UNC80: variants seen among roughly 807,000 people sequenced by gnomAD.
UNC80 encodes unc-80 subunit of NALCN channel complex.
A neutral mutation model predicts 384.6 loss-of-function variants in UNC80; 164 were observed. The observed-to-expected ratio is 0.43, with a 90% confidence interval of 0.38 to 0.49. UNC80 has a LOEUF of 0.49. Ranked by LOEUF, UNC80 falls within the 20% of genes least tolerant of loss-of-function variation. UNC80 has a pLI of 0.00. For missense variants in UNC80, 3,330 were observed against 4,143.0 expected, an observed-to-expected ratio of 0.80 and a Z score of 5.39; for synonymous variants, 1,486 against 1,527.8, an observed-to-expected ratio of 0.97 and a Z score of 0.64.
intron 47 of UNC80, among the ~76,000 whole-genome samples, chr2:209,950,296 A>G (rs528766244): frequency 2.6e-5 from 4 of 152,264 alleles, no homozygotes; most frequent in Non-Finnish European, 4.4e-5. Context: ...TTAAGTACCT[A>G]AATTTATTGA....
intron 29 of UNC80, among the ~76,000 whole-genome samples, chr2:209,907,058 T>C (rs1340500041): frequency 1.3e-5 from 2 of 152,178 alleles, no homozygotes; most frequent in African/African-American, 4.8e-5. Context: ...CCATGAAACT[T>C]TTTTGATTCT....
intron 26 of UNC80, among the ~76,000 whole-genome samples, chr2:209,892,289 T>C (rs1393805549): frequency 6.6e-6 from 1 of 152,122 alleles, no homozygotes; most frequent in African/African-American, 2.4e-5. Flanking sequence ...CAAAGTGAGG[T>C]GAAAGAAAAG....
intron 22 of UNC80, among the ~76,000 whole-genome samples, chr2:209,855,531 TC>T (rs1162058816): frequency 6.6e-6 from 1 of 151,872 alleles, no homozygotes; most frequent in Admixed American, 6.6e-5. Context: ...AAGAAAAAAA[TC>T]TAAAAATCAC....
intron 53 of UNC80, 39 bp downstream of exon 53, chr2:209,969,930 A>C (rs766145860): frequency 1.3e-6 from 2 of 1,548,388 alleles, no homozygotes; most frequent in South Asian, 2.4e-5. Flanking sequence ...ACTTTGCACA[A>C]TGTAACTCTG....
intron 29 of UNC80, among the ~76,000 whole-genome samples, chr2:209,911,671 A>G (rs940449584): frequency 2.0e-5 from 3 of 152,206 alleles, no homozygotes; most frequent in Non-Finnish European, 2.9e-5. Context: ...AGAGGGAGAA[A>G]GTGTTTCACT....
chr2:209,939,183 A>G (rs1040015073), intron 42 of UNC80, among the ~76,000 whole-genome samples: 3 of 152,146 alleles, frequency 2.0e-5, no homozygotes, highest in Non-Finnish European at 2.9e-5. Context: ...TCTATTTAAT[A>G]TTGAACTAAT....
At chr2:209,951,683 A>G (rs73078988) in intron 47 of UNC80, 15,334 of 151,818 alleles carry the variant, frequency 0.1, 1,916 homozygotes, top group African/African-American at 0.29. Flanking sequence ...CCTAGTTGTG[A>G]TTTTTCTTTG....
intron 21 of UNC80, among the ~76,000 whole-genome samples, chr2:209,844,359 T>C (rs1323675697): frequency 6.6e-6 from 1 of 152,100 alleles, no homozygotes; most frequent in Non-Finnish European, 1.5e-5. Context: ...ATATTTCTTC[T>C]TTTTTCAAAA....
chr2:209,880,894 T>G, intron 24 of UNC80, 67 bp from the exon 25 acceptor site: 1 of 1,474,302 alleles, frequency 6.8e-7, no homozygotes. Flanking sequence ...GCTATGTCCA[T>G]CAAACTATGC....
chr2:209,936,658 G>GTA (rs749940831), intron 40 of UNC80, among the ~76,000 whole-genome samples, 186 bp from the exon 41 acceptor site: 29 of 151,828 alleles, frequency 1.9e-4, no homozygotes, highest in South Asian at 4.1e-4. Flanking sequence ...ATGTGTGTGT[G>GTA]TATGTGTATA....
rs532002902 is a variant in UNC80, at chr2:209,997,102, G to T, written c.*1507G>T. 3 of 152,082 alleles carry T rather than the reference G, an allele frequency of 2.0e-5. No individual in the cohort carries two copies. In the East Asian group the frequency reaches 5.8e-4, roughly 29 times the overall value. The allele number at this position is 152,082 out of a possible 1,614,324, so 9.4% of individuals were successfully genotyped here. ...TTTGTTAGAATTGCTTATTAAATAG[G>T]CATACTTTATACTGTGGTTTATAAT... On this transcript the variant is annotated 3_prime_UTR_variant, in exon 65 of 65. Coordinates refer to ENST00000673920, the MANE Select transcript of UNC80 (RefSeq NM_001371986.1).
At position 209,775,973 on chromosome 2, in the gene UNC80, G is replaced by C. The variant is rs2153824570; in HGVS notation, c.226G>C (p.Glu76Gln). The C allele has an allele frequency of 1.2e-6, 2 of 1,614,146 alleles. No individual in the cohort carries two copies. Among genetic ancestry groups the C allele is most frequent in the East Asian group, 4.5e-5 (2 of 44,882 alleles). ...AGCCATCCAGAGCATTTCCAGATGG[G>C]AACTGGTGCAAGCTGCTTTGCCTCA... ...SEAIQSISRWELVQAALPHVL... is the reference protein window; with the variant it reads ...SEAIQSISRWQLVQAALPHVL... The change falls in exon 3 of 65, where the codon GAA becomes CAA. Residue 76 changes from glutamate (E) to glutamine (Q), a missense_variant. Around this residue, in one of 8 missense-constraint regions of UNC80, gnomAD observed 86 missense variants for 141.5 expected, o/e 0.61. Coordinates refer to ENST00000673920, the MANE Select transcript of UNC80 (RefSeq NM_001371986.1).
intron 7 of UNC80, chr2:209,809,628 C>CGGTT: frequency 1.6e-6 from 1 of 626,574 alleles, no homozygotes; most frequent in Non-Finnish European, 2.8e-6. Context: ...CTGCCCCCGC[C>CGGTT]AACCAACAGC....
intron 29 of UNC80, among the ~76,000 whole-genome samples, chr2:209,907,968 A>G (rs1478723739): frequency 6.6e-6 from 1 of 152,258 alleles, no homozygotes; most frequent in Non-Finnish European, 1.5e-5. Context: ...TAAAGCATGA[A>G]TAAGTGCTTC....
intron 4 of UNC80, among the ~76,000 whole-genome samples, 185 bp from the exon 5 acceptor site, chr2:209,785,881 T>A (rs1432579528): frequency 6.6e-6 from 1 of 152,218 alleles, no homozygotes; most frequent in Non-Finnish European, 1.5e-5. Flanking sequence ...TCATAGTAAT[T>A]GCAGTGATAA....
chr2:209,852,889 C>G (rs1201899490), intron 22 of UNC80, among the ~76,000 whole-genome samples: 1 of 151,838 alleles, frequency 6.6e-6, no homozygotes, highest in African/African-American at 2.4e-5. Context: ...ACGTGTTTTT[C>G]AATGCATTGT....
At chr2:209,957,812 G>T in intron 49 of UNC80, 76 bp downstream of exon 49, 2 of 1,336,274 alleles carry the variant, frequency 1.5e-6, no homozygotes, top group Non-Finnish European at 1.0e-6. Context: ...AGAATGAAAG[G>T]AACCCTGAAC....
chr2:209,860,971 G>A (rs138805672), intron 22 of UNC80, among the ~76,000 whole-genome samples: 259 of 152,236 alleles, frequency 1.7e-3, no homozygotes, highest in Middle Eastern at 3.4e-3. Flanking sequence ...TGTTTTCTAC[G>A]TATAAAATCA....
At position 209,915,754 on chromosome 2, in the gene UNC80, T is replaced by G. The variant is rs956592963; in HGVS notation, c.5029+1814T>G. Reference sequence around the variant, plus strand: ...GTTGTAGAGGAAGGATGAGGAGAAGTTGGCTAATGGGTACGAACCTACAGT... The same window carrying G: ...GTTGTAGAGGAAGGATGAGGAGAAGGTGGCTAATGGGTACGAACCTACAGT... On this transcript the variant is annotated intron_variant, in intron 31 of 64. Coordinates refer to ENST00000673920, the MANE Select transcript of UNC80 (RefSeq NM_001371986.1). Among the ~76,000 whole-genome samples the G allele has an allele frequency of 1.4e-4, 21 of 152,310 alleles. No individual in the cohort carries two copies. In the East Asian group the frequency reaches 3.7e-3, roughly 27 times the overall value.
Sources: gnomAD v4.1 joint callset for allele counts (sites outside exome capture counted in the v4.1 genomes callset) on GRCh38, gnomAD v4.1.1 for gene constraint, gnomAD v4.1.1 regional missense constraint, MANE v1.5 for transcripts, NCBI Gene and HGNC (gene_info 2026-07-23, HGNC 2026-07-21) for gene names.